COL4A2: variants seen among roughly 807,000 people sequenced by gnomAD.
COL4A2 encodes collagen alpha-2(IV) chain.
In COL4A2, 99 loss-of-function variants were observed where a neutral mutation model predicts 200.2. The observed-to-expected ratio is 0.49, with a 90% CI of 0.42 to 0.58. The LOEUF is 0.58. Ranked by LOEUF, COL4A2 falls within the 20% of genes least tolerant of loss-of-function variation. COL4A2 has a pLI of 0.00. For missense variants in COL4A2, 1,950 were observed against 2,314.1 expected (o/e 0.84, Z 3.23); for synonymous variants, 897 against 900.6 (o/e 1.00, Z 0.07).
chr13:110,362,488 A>ATT (rs35902884), intron 4 of COL4A2, among the ~76,000 whole-genome samples: 2 of 146,142 alleles, frequency 1.4e-5, no homozygotes, highest in Non-Finnish European at 3.0e-5. Flanking sequence ...TGATTTTTGT[A>ATT]TTTTTTTTTT....
In COL4A2 at chr13:110,480,318, G is replaced by A; in HGVS notation, c.2686G>A (p.Gly896Arg). Residue 896 changes from glycine (G) to arginine (R), a missense_variant, in exon 31 of 48, where the codon GGG (glycine) becomes AGG (arginine). Gly to Arg is a moderately radical substitution (Grantham distance 125, BLOSUM62 -2). Coordinates refer to ENST00000360467, the MANE Select transcript of COL4A2 (RefSeq NM_001846.4). Reference protein sequence around the residue: ...SGDRGDAGFTGEQGHPGSPGF... With the variant: ...SGDRGDAGFTREQGHPGSPGF... ...TGACAGAGGAGATGCTGGCTTCACA[G>A]GGGAGCAAGGCCATCCAGGAAGCCC... 1 of 1,614,040 alleles carries A rather than the reference G, an allele frequency of 6.2e-7. No homozygotes were observed. The highest frequency in any genetic ancestry group is 8.5e-7 in the Non-Finnish European group (1 of 1,179,962).
chr13:110,418,050 G>A (rs1346406641), intron 4 of COL4A2, among the ~76,000 whole-genome samples: 1 of 151,916 alleles, frequency 6.6e-6, no homozygotes, highest in African/African-American at 2.4e-5. Context: ...CTCTTGGCGT[G>A]GCCACCTTTT....
At position 110,316,184 on chromosome 13, in the gene COL4A2, T is replaced by C. The variant is rs75369936; in HGVS notation, c.99+8061T>C. 8.9e-3 allele frequency among the ~76,000 whole-genome samples: 1,359 copies of C among 152,318 alleles called. 21 individuals are homozygous for C. The highest frequency in any genetic ancestry group is 0.031 in the African/African-American group (1,297 of 41,552). On this transcript the variant is annotated intron_variant, in intron 3 of 47. Coordinates refer to ENST00000360467, the MANE Select transcript of COL4A2 (RefSeq NM_001846.4). ...ATGTGTGTTTTTGAATTTCATGGAC[T>C]GATTATCTGGTACCTGGTGGTAAAT...
Position 110,466,995 on chromosome 13 carries a change from T to C in COL4A2, c.2039-45T>C, listed in dbSNP as rs3803231. 166,407 of 1,612,008 alleles carry C rather than the reference T, an allele frequency of 0.1. 8,902 individuals are homozygous for C. Among genetic ancestry groups the C allele is most frequent in the Middle Eastern group, 0.16 (973 of 6,056 alleles). On this transcript the variant is annotated intron_variant, in intron 26 of 47. Transcript: ENST00000360467. ...GGATCCCCAAGGCCGTGGGACTCAG[T>C]GTTTAGGATTGCTTGGGCTCATCTT... is the stretch of plus-strand genomic sequence containing the variant.
Position 110,473,009 on chromosome 13 carries a change from G to A in COL4A2, c.2284G>A (p.Gly762Arg). The change falls in exon 29 of 48, where the codon GGG becomes AGG. Residue 762 changes from glycine to arginine, a missense_variant. By Grantham distance (125) the Gly-to-Arg change is moderately radical (BLOSUM62 -2). This residue lies in a region of COL4A2 where 1,385 missense variants were observed against 1,720.5 expected (regional missense o/e 0.80). Coordinates refer to ENST00000360467, the MANE Select transcript of COL4A2 (RefSeq NM_001846.4). ...DGSPGPIGLP[G>R]PDGPPGERGL... is the part of the protein sequence containing the mutation. Reference sequence around the variant, plus strand: ...ATCCCCAGGTCCCATCGGCCTGCCAGGGCCAGATGGGCCCCCTGGGGAAAG... The same window carrying A: ...ATCCCCAGGTCCCATCGGCCTGCCAAGGCCAGATGGGCCCCCTGGGGAAAG... 1.3e-6 allele frequency: 2 copies of A among 1,522,106 alleles called. No individual in the cohort carries two copies. Among genetic ancestry groups the A allele is most frequent in the Non-Finnish European group, 8.8e-7 (1 of 1,135,908 alleles). The allele number at this position is 1,522,106 out of a possible 1,614,324, so 94.3% of individuals were successfully genotyped here. A position where few individuals can be genotyped will look rare whatever the true frequency, so the allele number is the denominator to read the frequency against.
chr13:110,353,785 ACGTGCGTGTGTG>A (rs1877065072), intron 3 of COL4A2, among the ~76,000 whole-genome samples: 1 of 152,170 alleles, frequency 6.6e-6, no homozygotes, highest in Non-Finnish European at 1.5e-5. Flanking sequence ...ACACACATGC[ACGTGCGTGTGTG>A]CACGCACGGC....
chr13:110,478,592 G>A (rs113552128), intron 30 of COL4A2, among the ~76,000 whole-genome samples: 30 of 152,240 alleles, frequency 2.0e-4, no homozygotes, highest in African/African-American at 7.0e-4. Context: ...CCACCACACA[G>A]GCCAAGGCAG....
rs768005452 is a variant in COL4A2 at position 110,508,105 on chromosome 13, C to T, written c.4765C>T (p.Arg1589Cys). Residue 1589 changes from arginine (R) to cysteine (C), a missense_variant, in exon 47 of 48, where the codon CGC (arginine) becomes TGC (cysteine). This residue lies in a region of COL4A2 where 1,385 missense variants were observed against 1,720.5 expected (regional missense o/e 0.80). Coordinates refer to ENST00000360467, the MANE Select transcript of COL4A2 (RefSeq NM_001846.4). This position sits in a 1 kb window ranked among gnomAD's most constrained non-coding sequence, Gnocchi z 6.1. The stretch of plus-strand genomic sequence containing the variant: ...GGACGAGATCAAGCCCTACATCAGC[C>T]GCTGTTCTGTGTGTGAGGCCCCGGC... ...AEDEIKPYIS[R>C]CSVCEAPAIA... 6.2e-6 allele frequency: 10 copies of T among 1,614,128 alleles called. No individual in the cohort carries two copies. The highest frequency in any genetic ancestry group is 4.4e-5 in the South Asian group (4 of 91,092).
At chr13:110,419,931 CTTAAGAGG>C (rs1201168059) in intron 4 of COL4A2, among the ~76,000 whole-genome samples, 7 of 152,226 alleles carry the variant, frequency 4.6e-5, no homozygotes, top group Non-Finnish European at 8.8e-5. Flanking sequence ...CAACTCCATG[CTTAAGAGG>C]TTTTTCTTAT....
At chr13:110,482,762 T>C (rs1882978201) in intron 32 of COL4A2, 103 bp downstream of exon 32, 21 of 1,254,126 alleles carry the variant, frequency 1.7e-5, no homozygotes, top group Non-Finnish European at 2.2e-5. Flanking sequence ...TGAAAACCCA[T>C]GCATCCAGGA....
intron 38 of COL4A2, 38 bp from the exon 39 acceptor site, chr13:110,493,173 G>A (rs370746582): frequency 1.4e-5 from 23 of 1,611,978 alleles, no homozygotes; most frequent in Non-Finnish European, 1.8e-5. Context: ...TGACACCCCC[G>A]CAGGTGAAAT....
chr13:110,473,550 A>C, intron 29 of COL4A2: 1 of 178,538 alleles, frequency 5.6e-6, no homozygotes, highest in Non-Finnish European at 1.2e-5. Context: ...ATAATCTGGA[A>C]TGCAATTCTA....
chr13:110,433,299 G>A (rs143445212), intron 11 of COL4A2, among the ~76,000 whole-genome samples: 2 of 152,234 alleles, frequency 1.3e-5, no homozygotes, highest in African/African-American at 2.4e-5. Context: ...AGGACCAGGC[G>A]GCCGGGCTGA....
At chr13:110,466,984 G>A (rs541012631) in intron 26 of COL4A2, 56 bp from the exon 27 acceptor site, 39 of 1,611,416 alleles carry the variant, frequency 2.4e-5, no homozygotes, top group South Asian at 1.5e-4. Context: ...CCCCAAGGCC[G>A]TGGGACTCAG....
chr13:110,311,436 C>T (rs1435118937), intron 3 of COL4A2, among the ~76,000 whole-genome samples: 4 of 152,168 alleles, frequency 2.6e-5, no homozygotes, highest in Non-Finnish European at 5.9e-5. Flanking sequence ...GTGCAGTTCT[C>T]AGTCTGGTGG....
intron 40 of COL4A2, among the ~76,000 whole-genome samples, chr13:110,498,744 G>A (rs1883539926): frequency 6.6e-6 from 1 of 152,232 alleles, no homozygotes; most frequent in Non-Finnish European, 1.5e-5. Context: ...AGAGTTACGT[G>A]TAGCTCAGAA....
chr13:110,393,725 A>G (rs1188245480), intron 4 of COL4A2, among the ~76,000 whole-genome samples: 1 of 152,122 alleles, frequency 6.6e-6, no homozygotes, highest in African/African-American at 2.4e-5. Context: ...CTAAAAATAT[A>G]AAAAATAGAC....
intron 4 of COL4A2, among the ~76,000 whole-genome samples, chr13:110,393,606 C>T (rs989193150): frequency 4.0e-5 from 6 of 151,750 alleles, no homozygotes; most frequent in South Asian, 4.2e-4. Context: ...AGGCCAGGCC[C>T]GGTGGCTCAC....
intron 40 of COL4A2, among the ~76,000 whole-genome samples, chr13:110,500,609 C>T (rs1052961019): frequency 9.9e-5 from 15 of 152,164 alleles, no homozygotes; most frequent in South Asian, 2.1e-4. Context: ...TCTCATTATT[C>T]GCAGTAGTTA....
Sources: allele counts gnomAD v4.1 joint callset (sites outside exome capture counted in the v4.1 genomes callset), GRCh38; gene constraint gnomAD v4.1.1; regional missense constraint gnomAD v4.1.1; non-coding constraint Gnocchi (gnomAD v3.1); transcripts MANE v1.5; gene names NCBI Gene and HGNC (gene_info 2026-07-23, HGNC 2026-07-21).